The following SYT3 variants were observed in gnomAD, a reference collection of about 807,000 sequenced individuals.
SYT3 encodes synaptotagmin-3.
Under a neutral mutation model 50.6 loss-of-function variants are expected in SYT3, and 25 were observed. The ratio of observed to expected loss-of-function variants is 0.49; its 90% confidence interval spans 0.36 to 0.69. SYT3 has a LOEUF of 0.69. Ranked by LOEUF, SYT3 falls within the 30% of genes least tolerant of loss-of-function variation. The pLI is 0.00. For missense variants in SYT3, 589 were observed against 793.6 expected, an observed-to-expected ratio of 0.74 and a Z score of 3.10; for synonymous variants, 323 against 353.9, an observed-to-expected ratio of 0.91 and a Z score of 0.98.
At position 50,625,226 on chromosome 19, in the gene SYT3, T is replaced by G. The variant is rs1436968395; in HGVS notation, c.1643A>C (p.Glu548Ala). The G allele has an allele frequency of 3.1e-6, 5 of 1,592,270 alleles. No homozygotes were observed. The highest frequency in any genetic ancestry group is 4.3e-6 in the Non-Finnish European group (5 of 1,173,472). The change falls in exon 9 of 11, where the codon GAG (glutamate) becomes GCG (alanine). Residue 548 changes from glutamate (E) to alanine (A), a missense_variant. Around this residue, in one of 2 missense-constraint regions of SYT3, gnomAD observed 273 missense variants for 439.3 expected, o/e 0.62. Coordinates refer to ENST00000600079, the MANE Select transcript of SYT3 (RefSeq NM_001160329.2). This position sits in a 1 kb window ranked among gnomAD's most constrained non-coding sequence, Gnocchi z 7.5. ...ATTGGCCAGCATCTCTGCCCAGTGC[T>G]CGCGGCCGTGCGGGTCGGCAGCGTC... ...GPDAADPHGR[E>A]HWAEMLANPR... is the part of the protein sequence containing the mutation.
At chr19:50,640,745 AT>A (rs1984649826), upstream of SYT3, among the ~76,000 whole-genome samples, 1 of 152,140 alleles carries the variant, frequency 6.6e-6, no homozygotes, top group Admixed American at 6.5e-5. Flanking sequence ...TCACAAAAAA[AT>A]CTCATAATGT....
At chr19:50,634,267 T>G (rs908213419) in intron 3 of SYT3, among the ~76,000 whole-genome samples, 1 of 152,050 alleles carries the variant, frequency 6.6e-6, no homozygotes, top group African/African-American at 2.4e-5. Flanking sequence ...TGACAGACAG[T>G]GGGTTATGGT....
the SYT3 span, among the ~76,000 whole-genome samples, chr19:50,654,339 G>C: frequency 6.6e-6 from 1 of 151,276 alleles, no homozygotes; most frequent in Admixed American, 6.6e-5. Context: ...GTCTCACTCT[G>C]TCGCCCAGGC....
At chr19:50,631,867 C>T (rs1406165193) in intron 4 of SYT3, among the ~76,000 whole-genome samples, 2 of 151,984 alleles carry the variant, frequency 1.3e-5, no homozygotes, top group Admixed American at 6.6e-5. Context: ...TATCAGTGCT[C>T]AATATACATT....
At chr19:50,654,109 G>C in the SYT3 span, among the ~76,000 whole-genome samples, 1 of 151,942 alleles carries the variant, frequency 6.6e-6, no homozygotes, top group Non-Finnish European at 1.5e-5. Flanking sequence ...TACGGGAAAT[G>C]TTTTATGTTC....
At chr19:50,636,159 C>T (rs781194168) in intron 3 of SYT3, among the ~76,000 whole-genome samples, 7 of 152,124 alleles carry the variant, frequency 4.6e-5, no homozygotes, top group Non-Finnish European at 1.0e-4. Flanking sequence ...GAGGCTGAGG[C>T]AGGAGAATCA....
Position 50,622,487 on chromosome 19 carries a change from C to T in SYT3, c.*4-6G>A, listed in dbSNP as rs1351673923. On this transcript the variant is annotated splice_polypyrimidine_tract_variant and splice_region_variant and intron_variant, in intron 10 of 10. Transcript: ENST00000600079. ...ATCCCGGGCCTAGGCCAGACCTGCA[C>T]GATGGAGCAGGAAAGGAGGGGTCAG... 1.9e-5 allele frequency: 10 copies of T among 539,916 alleles called. No homozygotes were observed. Among genetic ancestry groups the T allele is most frequent in the Non-Finnish European group, 3.1e-5 (9 of 288,972 alleles). The allele number at this position is 539,916 out of a possible 1,614,324, so 33.4% of individuals were successfully genotyped here.
rs927863314 is a variant in SYT3, at chr19:50,637,568, A to T, written c.-15-142T>A. ...GGGGACAGAGATTAGGGGCAGATGG[A>T]TTAGGGATGGAGATTCGAGGAAGAA... On this transcript the variant is annotated intron_variant, in intron 2 of 10. Transcript: ENST00000600079. This position sits in a 1 kb window ranked among gnomAD's most constrained non-coding sequence, Gnocchi z 4.9. The T allele has an allele frequency of 3.1e-6, 2 of 653,124 alleles. No homozygotes were observed. Among genetic ancestry groups the T allele is most frequent in the African/African-American group, 3.6e-5 (2 of 54,870 alleles). The allele number at this position is 653,124 out of a possible 1,614,324, so 40.5% of individuals were successfully genotyped here.
chr19:50,641,135 A>T (rs1040557048), upstream of SYT3, among the ~76,000 whole-genome samples: 1 of 142,480 alleles, frequency 7.0e-6, no homozygotes, highest in African/African-American at 2.6e-5. Context: ...CCTACGCAGG[A>T]GGCTGAGGTG....
chr19:50,640,923 A>G (rs1274244461), upstream of SYT3, among the ~76,000 whole-genome samples: 6 of 152,118 alleles, frequency 3.9e-5, no homozygotes, highest in Admixed American at 2.6e-4. Flanking sequence ...AAATAAATAC[A>G]ACCTCTAGGT....
chr19:50,628,122 G>A (rs1308972971), intron 6 of SYT3, among the ~76,000 whole-genome samples: 1 of 152,218 alleles, frequency 6.6e-6, no homozygotes, highest in East Asian at 1.9e-4. Context: ...AGAACCTTGA[G>A]GAGGTCTAGT....
At chr19:50,656,321 C>T in the SYT3 span, 2 of 1,536,224 alleles carry the variant, frequency 1.3e-6, no homozygotes, top group South Asian at 2.4e-5. Flanking sequence ...GCTTCCCAGC[C>T]CCTCTGCCTC....
chr19:50,644,928 G>A, the SYT3 span, among the ~76,000 whole-genome samples: 2 of 152,146 alleles, frequency 1.3e-5, no homozygotes, highest in Non-Finnish European at 2.9e-5. Context: ...GTGGATGTTG[G>A]AGAAATAGAT....
the SYT3 span, among the ~76,000 whole-genome samples, chr19:50,651,129 C>T: frequency 2.0e-5 from 3 of 152,192 alleles, no homozygotes; most frequent in Admixed American, 1.3e-4. Flanking sequence ...ATGGATGAAA[C>T]GGCCTGGCTT....
the SYT3 span, among the ~76,000 whole-genome samples, chr19:50,648,232 C>A: frequency 4.5e-3 from 680 of 152,028 alleles, 5 homozygotes; most frequent in Middle Eastern, 0.017. Context: ...GGGGAAAAAC[C>A]CTGTTTTCTA....
At chr19:50,647,497 G>A in the SYT3 span, among the ~76,000 whole-genome samples, 3 of 151,868 alleles carry the variant, frequency 2.0e-5, no homozygotes, top group Non-Finnish European at 4.4e-5. Flanking sequence ...ACCAGCTTGG[G>A]CAACACGGTG....
At chr19:50,640,386 G>A (rs1984640139), upstream of SYT3, among the ~76,000 whole-genome samples, 2 of 152,176 alleles carry the variant, frequency 1.3e-5, no homozygotes, top group Admixed American at 6.5e-5. Context: ...TTGAAAAACC[G>A]GTCAGTGTAG....
chr19:50,643,367 C>T (rs1038632317), upstream of SYT3, among the ~76,000 whole-genome samples: 72 of 151,522 alleles, frequency 4.8e-4, no homozygotes, highest in Admixed American at 2.6e-3. Context: ...TGCATCCCCC[C>T]GGATGGATGT....
chr19:50,643,797 C>T (rs1054240004), upstream of SYT3, among the ~76,000 whole-genome samples: 3 of 151,792 alleles, frequency 2.0e-5, no homozygotes, highest in African/African-American at 7.3e-5. Flanking sequence ...GTGGAAGAGA[C>T]AGAAAATAAT....
Sources: allele counts gnomAD v4.1 joint callset (sites outside exome capture counted in the v4.1 genomes callset), GRCh38; gene constraint gnomAD v4.1.1; regional missense constraint gnomAD v4.1.1; non-coding constraint Gnocchi (gnomAD v3.1); transcripts MANE v1.5; gene names NCBI Gene and HGNC (gene_info 2026-07-23, HGNC 2026-07-21).